Variants in GEMIN2 observed in about 807,000 individuals in gnomAD.
The protein encoded by GEMIN2 is gem-associated protein 2.
In GEMIN2, 37 loss-of-function variants were observed where a neutral mutation model predicts 45.8. That is an observed-to-expected ratio of 0.81 (90% CI 0.62 to 1.06). The LOEUF (loss-of-function observed/expected upper bound fraction) is 1.06. Among genes scored for constraint, GEMIN2 ranks in the 50% least tolerant of loss-of-function variants. The pLI, the probability that GEMIN2 is intolerant of heterozygous loss-of-function variation, is 0.00. For synonymous variants in GEMIN2, 101 were observed against 111.5 expected (o/e 0.91, Z 0.60); for missense variants, 335 against 321.8 (o/e 1.04, Z -0.31).
chr14:39,116,410 C>CT lies in GEMIN2; in HGVS notation c.222+1513dup, dbSNP rs71130815. 6.0e-3 allele frequency among the ~76,000 whole-genome samples: 800 copies of CT among 133,058 alleles called. 5 individuals are homozygous for CT. Among genetic ancestry groups the CT allele is most frequent in the Non-Finnish European group, 8.9e-3 (546 of 61,500 alleles). 87.3% of individuals were successfully genotyped at this position (133,058 alleles called of 152,430 possible). A position where few individuals can be genotyped will look rare whatever the true frequency, so the allele number is the denominator to read the frequency against. On this transcript the variant is annotated intron_variant, in intron 2 of 9. Coordinates refer to ENST00000308317, the MANE Select transcript of GEMIN2 (RefSeq NM_003616.3). ...GTGGCATTTTATTTTATTTCTTTTT[C>CT]TTTTTTTTTTTTTTTTGAGATGGAG...
At chr14:39,131,877 C>A in intron 7 of GEMIN2, 81 bp from the exon 8 acceptor site, 1 of 710,812 alleles carries the variant, frequency 1.4e-6, no homozygotes, top group Non-Finnish European at 2.5e-6. Context: ...AGCAGATAAT[C>A]AGGCATAACA....
Position 39,114,932 on chromosome 14 carries a change from C to T in GEMIN2, c.222+19C>T, listed in dbSNP as rs773043240. 8.9e-7 allele frequency: 1 copy of T among 1,126,844 alleles called. No homozygotes were observed. The highest frequency in any genetic ancestry group is 1.4e-6 in the Non-Finnish European group (1 of 734,742). The allele number at this position is 1,126,844 out of a possible 1,614,324, so 69.8% of individuals were successfully genotyped here. On this transcript the variant is annotated intron_variant, in intron 2 of 9. Coordinates refer to ENST00000308317, the MANE Select transcript of GEMIN2 (RefSeq NM_003616.3). The stretch of plus-strand genomic sequence containing the variant: ...TATTTCTGTGAGTTTTATTAACCGT[C>T]TGGAGATTACCCCCAACCCCCCAAT...
At chr14:39,126,028 A>AG (rs2052636483) in intron 6 of GEMIN2, among the ~76,000 whole-genome samples, 1 of 152,100 alleles carries the variant, frequency 6.6e-6, no homozygotes, top group Admixed American at 6.6e-5. Context: ...TCAAAAAAAA[A>AG]AAAAAGAAAG....
intron 5 of GEMIN2, 44 bp downstream of exon 5, chr14:39,122,587 T>C: frequency 9.6e-7 from 1 of 1,038,686 alleles, no homozygotes; most frequent in Non-Finnish European, 1.5e-6. Context: ...ATTTTAATTT[T>C]GGTGCACCAC....
intron 7 of GEMIN2, among the ~76,000 whole-genome samples, chr14:39,129,022 C>T (rs906819223): frequency 2.0e-5 from 3 of 152,160 alleles, no homozygotes; most frequent in African/African-American, 7.2e-5. Context: ...AGGGCTGAGG[C>T]AGGAGGATCA....
chr14:39,132,217 T>C (rs2052726172), intron 8 of GEMIN2, 149 bp downstream of exon 8: 5 of 600,400 alleles, frequency 8.3e-6, no homozygotes, highest in Non-Finnish European at 1.5e-5. Context: ...GCTTAAATAA[T>C]ATGGAAATGT....
chr14:39,114,901 T>C lies in GEMIN2; in HGVS notation c.210T>C (p.Ser70=). The change falls in exon 2 of 10, where the codon AGT becomes AGC. Residue 70 remains serine, a synonymous_variant. Transcript: ENST00000308317. The stretch of plus-strand genomic sequence containing the variant: ...CAAAGAAGTTGAAAAGGAAGCAAAG[T>C]GTGAATATTTCTGTGAGTTTTATTA... ...IDPKKLKRKQ[S]VNISLSGCQP... is the part of the protein sequence containing the mutation. 1 of 1,512,010 alleles carries C rather than the reference T, an allele frequency of 6.6e-7. No homozygotes were observed. Among genetic ancestry groups the C allele is most frequent in the Non-Finnish European group, 9.2e-7 (1 of 1,086,752 alleles). 93.7% of individuals were successfully genotyped at this position (1,512,010 alleles called of 1,614,324 possible). A position where few individuals can be genotyped will look rare whatever the true frequency, so the allele number is the denominator to read the frequency against.
chr14:39,115,951 A>G (rs573023583), intron 2 of GEMIN2, among the ~76,000 whole-genome samples: 2 of 152,308 alleles, frequency 1.3e-5, no homozygotes, highest in South Asian at 4.1e-4. Context: ...AAATAATTAC[A>G]TATTGTGATT....
chr14:39,131,490 A>T (rs1379533890), intron 7 of GEMIN2, among the ~76,000 whole-genome samples: 2 of 152,148 alleles, frequency 1.3e-5, no homozygotes, highest in African/African-American at 4.8e-5. Context: ...GGATACATTG[A>T]GCCTGTCAAA....
At chr14:39,129,138 G>A (rs1021181019) in intron 7 of GEMIN2, among the ~76,000 whole-genome samples, 2 of 152,050 alleles carry the variant, frequency 1.3e-5, no homozygotes, top group Non-Finnish European at 2.9e-5. Flanking sequence ...ATAAATATAT[G>A]GTTTTTTTGG....
intron 4 of GEMIN2, among the ~76,000 whole-genome samples, chr14:39,121,621 A>C (rs938092476): frequency 6.6e-6 from 1 of 152,232 alleles, no homozygotes; most frequent in Admixed American, 6.5e-5. Flanking sequence ...ATAACAGACT[A>C]GGTGGATTAA....
chr14:39,123,686 CTATATATATA>C (rs71130817), intron 5 of GEMIN2, among the ~76,000 whole-genome samples: 15 of 44,988 alleles, frequency 3.3e-4, no homozygotes, highest in Non-Finnish European at 5.6e-4. Flanking sequence ...TCAAAAATAG[CTATATATATA>C]TATATATATA....
Position 39,114,817 on chromosome 14 carries a change from A to G in GEMIN2, c.138-12A>G, listed in dbSNP as rs370079834. 1.0e-4 allele frequency: 141 copies of G among 1,414,436 alleles called. No individual in the cohort carries two copies. Among genetic ancestry groups the G allele is most frequent in the Admixed American group, 2.0e-4 (12 of 59,210 alleles). 87.6% of individuals were successfully genotyped at this position (1,414,436 alleles called of 1,614,324 possible). Reference sequence around the variant, plus strand: ...AGAAATTTAATTTATCGCGTTTATTACTTATTTGTAGGATCGAAGCAGCTC... The same window carrying G: ...AGAAATTTAATTTATCGCGTTTATTGCTTATTTGTAGGATCGAAGCAGCTC... On this transcript the variant is annotated splice_polypyrimidine_tract_variant and intron_variant, in intron 1 of 9. Transcript: ENST00000308317.
Position 39,114,456 on chromosome 14 carries a change from G to A in GEMIN2, c.118G>A (p.Glu40Lys). The change falls in exon 1 of 10, where the codon GAA becomes AAA. Residue 40 changes from glutamate (E) to lysine (K), a missense_variant. Glu to Lys is a moderately conservative substitution (Grantham distance 56, BLOSUM62 1). Transcript: ENST00000308317. ...CTCGGTACCCCCGAGGACGCCTCAG[G>A]AATACCTGAGGCGGGTCCAGTGAGT... ...DPSVPPRTPQEYLRRVQIEAA... is the reference protein window; with the variant it reads ...DPSVPPRTPQKYLRRVQIEAA... 6.2e-7 allele frequency: 1 copy of A among 1,613,640 alleles called. No homozygotes were observed. Among genetic ancestry groups the A allele is most frequent in the Non-Finnish European group, 8.5e-7 (1 of 1,179,632 alleles).
At chr14:39,117,270 C>CAAAAAAAAAAAAAA (rs34024177) in intron 2 of GEMIN2, among the ~76,000 whole-genome samples, 1 of 133,496 alleles carries the variant, frequency 7.5e-6, no homozygotes. Flanking sequence ...AACTCCGTCT[C>CAAAAAAAAAAAAAA]AAAAAAAAAA....
rs1039936714 is a variant in GEMIN2, at chr14:39,136,362, G to C, written c.771-78G>C. On this transcript the variant is annotated intron_variant, in intron 9 of 9. Transcript: ENST00000308317. ...TTTCTTATTGATGGACGTTTGGGTT[G>C]CTTATGGTCTTTGGCTATTAAAAAT... The C allele has an allele frequency of 9.1e-6, 7 of 766,278 alleles. No individual in the cohort carries two copies. In the East Asian group the frequency reaches 1.3e-4, roughly 14 times the overall value. 47.5% of individuals were successfully genotyped at this position (766,278 alleles called of 1,614,324 possible).
chr14:39,116,493 T>G (rs1394120788), intron 2 of GEMIN2, among the ~76,000 whole-genome samples: 1 of 150,728 alleles, frequency 6.6e-6, no homozygotes, highest in Non-Finnish European at 1.5e-5. Context: ...CTCGGCTCAC[T>G]GCAACCTCTG....
intron 2 of GEMIN2, among the ~76,000 whole-genome samples, chr14:39,115,985 G>A (rs1382175008): frequency 2.6e-5 from 4 of 152,052 alleles, no homozygotes; most frequent in Admixed American, 6.6e-5. Context: ...AAATAAGCAT[G>A]TATAATAATC....
At position 39,133,682 on chromosome 14, in the gene GEMIN2, G is replaced by T. The variant is rs370141123; in HGVS notation, c.733G>T (p.Val245Phe). 1.3e-6 allele frequency: 2 copies of T among 1,524,504 alleles called. No homozygotes were observed. The highest frequency in any genetic ancestry group is 1.4e-5 in the African/African-American group (1 of 71,152). The allele number at this position is 1,524,504 out of a possible 1,614,324, so 94.4% of individuals were successfully genotyped here. ...TTAGGATAGCAAAGATGATGAGAGG[G>T]TTCCTGCTTTGAATTTATTAATCTG... is the stretch of plus-strand genomic sequence containing the variant. ...LLVDSKDDER[V>F]PALNLLICLV... The change falls in exon 9 of 10, where the codon GTT becomes TTT. Residue 245 changes from valine to phenylalanine, a missense_variant. Coordinates refer to ENST00000308317, the MANE Select transcript of GEMIN2 (RefSeq NM_003616.3).
Sources: allele counts gnomAD v4.1 joint callset (sites outside exome capture counted in the v4.1 genomes callset), GRCh38; gene constraint gnomAD v4.1.1; transcripts MANE v1.5; gene names NCBI Gene and HGNC (gene_info 2026-07-23, HGNC 2026-07-21).